The following CNTN5 variants were observed in gnomAD, a reference collection of about 807,000 sequenced individuals.
CNTN5 encodes contactin-5.
In CNTN5, 77 loss-of-function variants were observed where a neutral mutation model predicts 129.1. The observed-to-expected ratio is 0.60, with a 90% CI of 0.50 to 0.72. The LOEUF is 0.72. CNTN5 is among the 30% of genes least tolerant of loss of function. The probability of loss-of-function intolerance (pLI) is 0.00; values close to 1 mark genes in which losing one functional copy is unlikely to be tolerated. For missense variants in CNTN5, 1,478 were observed against 1,328.8 expected (o/e 1.11, Z -1.75); for synonymous variants, 509 against 465.6 (o/e 1.09, Z -1.20).
chr11:99,772,413 A>G (rs922006069), intron 3 of CNTN5, among the ~76,000 whole-genome samples: 4 of 152,078 alleles, frequency 2.6e-5, no homozygotes, highest in African/African-American at 9.7e-5. Flanking sequence ...ACTTCTGTGA[A>G]CATTTGTTAC....
chr11:99,717,240 A>G (rs1188938109), intron 3 of CNTN5, among the ~76,000 whole-genome samples: 1 of 152,076 alleles, frequency 6.6e-6, no homozygotes, highest in African/African-American at 2.4e-5. Context: ...TGAACTTTCA[A>G]GAGAATATGT....
chr11:99,688,246 TG>T (rs1953879073), intron 3 of CNTN5, among the ~76,000 whole-genome samples: 1 of 152,192 alleles, frequency 6.6e-6, no homozygotes, highest in Non-Finnish European at 1.5e-5. Context: ...CTTGCTATGT[TG>T]CCCAGGCCGG....
intron 16 of CNTN5, among the ~76,000 whole-genome samples, chr11:100,245,818 G>A (rs1391931395): frequency 1.3e-5 from 2 of 152,064 alleles, no homozygotes; most frequent in Non-Finnish European, 2.9e-5. Context: ...AATGTTGTTT[G>A]ACATTACCTT....
intron 2 of CNTN5, among the ~76,000 whole-genome samples, chr11:99,491,218 A>G (rs1243831741): frequency 6.6e-6 from 1 of 152,106 alleles, no homozygotes; most frequent in Non-Finnish European, 1.5e-5. Context: ...GAATTCCCAT[A>G]TAGTGGTTCA....
At chr11:99,975,105 A>T (rs1223868842) in intron 8 of CNTN5, among the ~76,000 whole-genome samples, 1 of 152,254 alleles carries the variant, frequency 6.6e-6, no homozygotes, top group Non-Finnish European at 1.5e-5. Context: ...CCTTTGTTTA[A>T]ATAAAAGACA....
At chr11:99,807,955 C>T (rs1307505572) in intron 3 of CNTN5, among the ~76,000 whole-genome samples, 1 of 152,020 alleles carries the variant, frequency 6.6e-6, no homozygotes, top group Non-Finnish European at 1.5e-5. Context: ...TGGATCTGAA[C>T]CCTGTAACTT....
intron 1 of CNTN5, among the ~76,000 whole-genome samples, chr11:99,263,326 A>G (rs543177095): frequency 3.9e-5 from 6 of 152,238 alleles, no homozygotes; most frequent in Admixed American, 3.3e-4. Flanking sequence ...TCAGTGATCA[A>G]TGATTGTGCA....
At chr11:99,368,468 T>C (rs1237011698) in intron 2 of CNTN5, among the ~76,000 whole-genome samples, 2 of 151,600 alleles carry the variant, frequency 1.3e-5, no homozygotes, top group African/African-American at 2.4e-5. Flanking sequence ...ATAGTGCAAC[T>C]CTTGTCTTAA....
chr11:99,863,389 G>C (rs1432977099), intron 6 of CNTN5, among the ~76,000 whole-genome samples: 1 of 152,066 alleles, frequency 6.6e-6, no homozygotes, highest in Non-Finnish European at 1.5e-5. Context: ...CAGCTAATTT[G>C]CAGGGAAAAG....
chr11:99,801,247 T>G (rs1054077138), intron 3 of CNTN5, among the ~76,000 whole-genome samples: 24 of 152,206 alleles, frequency 1.6e-4, no homozygotes, highest in African/African-American at 5.8e-4. Context: ...TTAAGAATGC[T>G]GAAAATAGGC....
chr11:99,935,021 A>C (rs542669050), intron 7 of CNTN5, among the ~76,000 whole-genome samples: 1 of 149,732 alleles, frequency 6.7e-6, no homozygotes, highest in South Asian at 2.1e-4. Context: ...AAGTACTAAT[A>C]TCTAGAAAAT....
chr11:99,883,322 C>T (rs1733445444), intron 6 of CNTN5, among the ~76,000 whole-genome samples: 2 of 152,160 alleles, frequency 1.3e-5, no homozygotes, highest in South Asian at 2.1e-4. Flanking sequence ...TACTAATTTA[C>T]ATTTCCACCA....
chr11:99,370,850 T>G, intron 2 of CNTN5, among the ~76,000 whole-genome samples: 1 of 152,160 alleles, frequency 6.6e-6, no homozygotes, highest in East Asian at 1.9e-4. Flanking sequence ...ATTATGAAAT[T>G]TAGATAATGG....
At chr11:99,396,441 T>G (rs1941528453) in intron 2 of CNTN5, among the ~76,000 whole-genome samples, 1 of 151,638 alleles carries the variant, frequency 6.6e-6, no homozygotes, top group Non-Finnish European at 1.5e-5. Context: ...TATTTATAGT[T>G]GTGGTTGTGT....
chr11:100,102,420 T>C (rs1325520223), intron 13 of CNTN5, among the ~76,000 whole-genome samples: 1 of 152,134 alleles, frequency 6.6e-6, no homozygotes, highest in Non-Finnish European at 1.5e-5. Flanking sequence ...ATTATTTGTT[T>C]TTTCTTGCTG....
chr11:100,019,761 T>C (rs1941028567), intron 9 of CNTN5, among the ~76,000 whole-genome samples: 1 of 151,968 alleles, frequency 6.6e-6, no homozygotes, highest in South Asian at 2.1e-4. Flanking sequence ...GAGAAATCTT[T>C]ATAATCTTTT....
intron 3 of CNTN5, among the ~76,000 whole-genome samples, chr11:99,802,330 A>G (rs1297621535): frequency 6.6e-6 from 1 of 152,172 alleles, no homozygotes; most frequent in Non-Finnish European, 1.5e-5. Context: ...TGTGGAGTAC[A>G]CAGTTTTCTG....
At position 99,180,159 on chromosome 11, in the gene CNTN5, G is replaced by A. The variant is rs115651632; in HGVS notation, c.-209-145187G>A. 4.2e-3 allele frequency among the ~76,000 whole-genome samples: 638 copies of A among 152,210 alleles called. 5 individuals are homozygous for A. The highest frequency in any genetic ancestry group is 0.013 in the African/African-American group (539 of 41,506). On this transcript the variant is annotated intron_variant, in intron 1 of 24. Coordinates refer to ENST00000524871, the MANE Select transcript of CNTN5 (RefSeq NM_014361.4). ...GTAAATGGCAATGCAGATGTAATGAGCAAATGATATAATAAGCAGATTGAT... is the reference window on the plus strand; with the variant it reads ...GTAAATGGCAATGCAGATGTAATGAACAAATGATATAATAAGCAGATTGAT...
chr11:100,105,715 C>A (rs1404704063), intron 13 of CNTN5, among the ~76,000 whole-genome samples: 2 of 152,106 alleles, frequency 1.3e-5, no homozygotes, highest in Non-Finnish European at 2.9e-5. Flanking sequence ...AAGGTCTCAT[C>A]GTTTCAGACC....
Sources: gnomAD v4.1 joint callset for allele counts (sites outside exome capture counted in the v4.1 genomes callset) on GRCh38, gnomAD v4.1.1 for gene constraint, MANE v1.5 for transcripts, NCBI Gene and HGNC (gene_info 2026-07-23, HGNC 2026-07-21) for gene names.